Variants in KCNH7 observed in about 807,000 individuals in gnomAD.
The protein encoded by KCNH7 is voltage-gated inwardly rectifying potassium channel KCNH7.
A neutral mutation model predicts 120.8 loss-of-function variants in KCNH7; 49 were observed. That is an observed-to-expected ratio of 0.41 (90% CI 0.32 to 0.51). The LOEUF is 0.51. Among genes scored for constraint, KCNH7 ranks in the 20% least tolerant of loss-of-function variants. The pLI is 0.38. For synonymous variants in KCNH7, 547 were observed against 516.1 expected (o/e 1.06, Z -0.81); for missense variants, 1,097 against 1,446.6 (o/e 0.76, Z 3.92).
chr2:162,419,756 T>C (rs1239054692), intron 9 of KCNH7, among the ~76,000 whole-genome samples: 1 of 152,204 alleles, frequency 6.6e-6, no homozygotes, highest in Non-Finnish European at 1.5e-5. Flanking sequence ...ACCATGGTCA[T>C]TGGAGTCCTT....
At chr2:162,561,118 T>G (rs1369946750) in intron 2 of KCNH7, among the ~76,000 whole-genome samples, 1 of 152,094 alleles carries the variant, frequency 6.6e-6, no homozygotes, top group Non-Finnish European at 1.5e-5. Context: ...GTATGAAAAA[T>G]TTTGCTCAGT....
At chr2:162,611,864 G>C (rs1682977871) in intron 2 of KCNH7, among the ~76,000 whole-genome samples, 1 of 152,074 alleles carries the variant, frequency 6.6e-6, no homozygotes, top group Non-Finnish European at 1.5e-5. Context: ...TCCAGTTTAG[G>C]GTGGGATAGT....
intron 6 of KCNH7, among the ~76,000 whole-genome samples, chr2:162,501,700 G>A (rs1301784583): frequency 6.6e-6 from 1 of 151,878 alleles, no homozygotes; most frequent in Non-Finnish European, 1.5e-5. Flanking sequence ...AGTGCAGAAG[G>A]GGGCCAAAGA....
At chr2:162,619,283 T>G (rs377324054) in intron 2 of KCNH7, among the ~76,000 whole-genome samples, 1 of 151,760 alleles carries the variant, frequency 6.6e-6, no homozygotes, top group Non-Finnish European at 1.5e-5. Flanking sequence ...CTAAGAGAGG[T>G]GAGTACAAGA....
At chr2:162,644,914 C>G (rs1684296788) in intron 2 of KCNH7, among the ~76,000 whole-genome samples, 1 of 152,024 alleles carries the variant, frequency 6.6e-6, no homozygotes, top group Non-Finnish European at 1.5e-5. Context: ...GTTATTTGAC[C>G]TTAGAAAATA....
At chr2:162,701,396 T>C (rs1686493669) in intron 2 of KCNH7, among the ~76,000 whole-genome samples, 1 of 152,126 alleles carries the variant, frequency 6.6e-6, no homozygotes, top group African/African-American at 2.4e-5. Flanking sequence ...TTTTCTATCT[T>C]AGAAGCCCTC....
At chr2:162,393,657 A>G (rs556189398) in intron 12 of KCNH7, among the ~76,000 whole-genome samples, 28 of 152,022 alleles carry the variant, frequency 1.8e-4, no homozygotes, top group Non-Finnish European at 2.2e-4. Context: ...TAAAGACTAG[A>G]ATGTTTGTTG....
intron 2 of KCNH7, among the ~76,000 whole-genome samples, chr2:162,752,765 G>A (rs965935185): frequency 7.3e-5 from 11 of 151,082 alleles, no homozygotes; most frequent in African/African-American, 2.7e-4. Context: ...CGGGTGTGAT[G>A]GTGTGTGCCT....
chr2:162,536,653 C>T (rs1013782547), intron 3 of KCNH7, among the ~76,000 whole-genome samples: 10 of 152,010 alleles, frequency 6.6e-5, no homozygotes, highest in African/African-American at 1.7e-4. Flanking sequence ...TTATTTGTAA[C>T]AGACAAAGTT....
chr2:162,753,704 A>C (rs1325353205), intron 2 of KCNH7, among the ~76,000 whole-genome samples: 1 of 152,068 alleles, frequency 6.6e-6, no homozygotes, highest in East Asian at 1.9e-4. Context: ...GGATTATTTC[A>C]TTTTATAGTT....
intron 5 of KCNH7, 100 bp downstream of exon 5, chr2:162,512,554 G>A: frequency 1.0e-6 from 1 of 962,802 alleles, no homozygotes; most frequent in East Asian, 2.5e-5. Context: ...AGGGCAGCAT[G>A]AAGATGTTGC....
At chr2:162,447,443 G>A (rs1475927538) in intron 6 of KCNH7, among the ~76,000 whole-genome samples, 1 of 152,046 alleles carries the variant, frequency 6.6e-6, no homozygotes, top group Admixed American at 6.6e-5. Flanking sequence ...GTTTTAAAAA[G>A]CTGAAATTTT....
intron 2 of KCNH7, among the ~76,000 whole-genome samples, chr2:162,710,760 A>T (rs1459648280): frequency 9.9e-5 from 15 of 152,134 alleles, no homozygotes; most frequent in Non-Finnish European, 2.2e-4. Context: ...GCTTTGGTTG[A>T]TTTTTGCTGT....
intron 8 of KCNH7, among the ~76,000 whole-genome samples, chr2:162,428,463 G>A (rs73018957): frequency 0.06 from 9,171 of 151,776 alleles, 865 homozygotes; most frequent in African/African-American, 0.2. Context: ...CATATGGCTT[G>A]TCTACTGGTA....
Position 162,518,070 on chromosome 2 carries a change from G to A in KCNH7, c.552C>T (p.Val184=), listed in dbSNP as rs1181504703. The A allele has an allele frequency of 6.2e-7, 1 of 1,612,150 alleles. No homozygotes were observed. The highest frequency in any genetic ancestry group is 1.3e-5 in the African/African-American group (1 of 74,760). The change falls in exon 4 of 16, where the codon GTC becomes GTT. Residue 184 remains valine, a synonymous_variant. Transcript: ENST00000332142. ...SLPQEDPDVV[V]IDSSKHSDDS... is the part of the protein sequence containing the mutation. ...CATCACTGTGTTTAGATGAATCGAT[G>A]ACCACCACATCGGGGTCTTCTTGTG...
At chr2:162,458,693 A>G (rs1477931192) in intron 6 of KCNH7, among the ~76,000 whole-genome samples, 1 of 152,198 alleles carries the variant, frequency 6.6e-6, no homozygotes. Context: ...AGCACAGATG[A>G]CAGAGGAACC....
chr2:162,529,889 T>C lies in KCNH7; in HGVS notation c.463+7036A>G, dbSNP rs1033868627. 1.3e-5 allele frequency among the ~76,000 whole-genome samples: 2 copies of C among 151,978 alleles called. 1 individual carries two copies. The highest frequency in any genetic ancestry group is 3.9e-4 in the East Asian group (2 of 5,128). ...AATTTCATCTTTTATTTTGTGTTTA[T>C]ATCTATTATGTAGCAATTAATTGGC... On this transcript the variant is annotated intron_variant, in intron 3 of 15. Coordinates refer to ENST00000332142, the MANE Select transcript of KCNH7 (RefSeq NM_033272.4).
At chr2:162,758,307 C>G (rs1045326830) in intron 2 of KCNH7, among the ~76,000 whole-genome samples, 2 of 152,028 alleles carry the variant, frequency 1.3e-5, no homozygotes, top group South Asian at 2.1e-4. Context: ...AGCAGCCAGG[C>G]TATATCGTTA....
intron 2 of KCNH7, among the ~76,000 whole-genome samples, chr2:162,716,811 G>A (rs778690372): frequency 6.6e-5 from 10 of 152,004 alleles, no homozygotes; most frequent in Non-Finnish European, 1.3e-4. Flanking sequence ...TTAAATCACT[G>A]GAAATAGTTC....
Sources: allele counts gnomAD v4.1 joint callset (sites outside exome capture counted in the v4.1 genomes callset), GRCh38; gene constraint gnomAD v4.1.1; transcripts MANE v1.5; gene names NCBI Gene and HGNC (gene_info 2026-07-23, HGNC 2026-07-21).